DNAH3: variants seen among roughly 807,000 people sequenced by gnomAD.
The protein encoded by DNAH3 is dynein axonemal heavy chain 3, also known as axonemal beta dynein heavy chain 3.
Under a neutral mutation model 432.5 loss-of-function variants are expected in DNAH3, and 332 were observed. The ratio of observed to expected loss-of-function variants is 0.77; its 90% confidence interval spans 0.70 to 0.84. The LOEUF is 0.84. Among genes scored for constraint, DNAH3 ranks in the 40% least tolerant of loss-of-function variants. DNAH3 has a pLI of 0.00. For missense variants in DNAH3, 4,861 were observed against 5,114.0 expected (o/e 0.95, Z 1.51); for synonymous variants, 1,956 against 1,900.2 (o/e 1.03, Z -0.76).
intron 55 of DNAH3, among the ~76,000 whole-genome samples, chr16:20,954,176 T>C (rs1400008412): frequency 2.2e-5 from 3 of 137,956 alleles, no homozygotes; most frequent in Non-Finnish European, 1.5e-5. Flanking sequence ...TGAGCCAAGA[T>C]CACAACACCA....
chr16:21,038,671 T>A (rs528188054), intron 33 of DNAH3, among the ~76,000 whole-genome samples: 2 of 152,338 alleles, frequency 1.3e-5, no homozygotes, highest in Admixed American at 1.3e-4. Context: ...ACAGAACTGA[T>A]TTCCTTTAAA....
intron 26 of DNAH3, among the ~76,000 whole-genome samples, chr16:21,059,140 T>A (rs966203253): frequency 3.9e-5 from 6 of 152,378 alleles, no homozygotes; most frequent in African/African-American, 1.4e-4. Flanking sequence ...TAACATTATG[T>A]TGTATACCTT....
At chr16:21,022,831 G>GC (rs2088319733) in intron 39 of DNAH3, among the ~76,000 whole-genome samples, 1 of 150,266 alleles carries the variant, frequency 6.7e-6, no homozygotes, top group Non-Finnish European at 1.5e-5. Context: ...TACAACCTCC[G>GC]CCCCCACTGG....
chr16:21,153,380 C>G (rs758938574), intron 1 of DNAH3, among the ~76,000 whole-genome samples: 2 of 152,086 alleles, frequency 1.3e-5, no homozygotes, highest in African/African-American at 2.4e-5. Flanking sequence ...TGTGGACACT[C>G]TGTGTCTAGC....
At chr16:21,150,971 G>A (rs2092846668) in intron 1 of DNAH3, among the ~76,000 whole-genome samples, 125 bp from the exon 1 acceptor site, 1 of 152,198 alleles carries the variant, frequency 6.6e-6, no homozygotes, top group Non-Finnish European at 1.5e-5. Context: ...GTGGGCAGCA[G>A]GAAGTGTTGG....
intron 18 of DNAH3, among the ~76,000 whole-genome samples, chr16:21,091,449 G>A (rs1178459318): frequency 2.0e-5 from 3 of 151,996 alleles, no homozygotes; most frequent in Non-Finnish European, 4.4e-5. Flanking sequence ...ATTGCAGCAG[G>A]ATCACAGGAC....
chr16:21,050,655 G>C (rs1341634852), intron 29 of DNAH3, among the ~76,000 whole-genome samples: 1 of 152,158 alleles, frequency 6.6e-6, no homozygotes, highest in Non-Finnish European at 1.5e-5. Flanking sequence ...GCCCAAGCGG[G>C]TTGGTCTCAA....
At chr16:21,068,007 C>T (rs367809244) in intron 23 of DNAH3, among the ~76,000 whole-genome samples, 1 of 152,152 alleles carries the variant, frequency 6.6e-6, no homozygotes, top group African/African-American at 2.4e-5. Context: ...ACAACCTTAA[C>T]TAATAAAGAA....
intron 57 of DNAH3, among the ~76,000 whole-genome samples, chr16:20,945,543 T>G (rs1366276704): frequency 6.6e-6 from 1 of 151,542 alleles, no homozygotes; most frequent in Non-Finnish European, 1.5e-5. Context: ...CAGGCTGGAG[T>G]GCAGTGGTAC....
chr16:21,136,208 G>A, intron 6 of DNAH3, 116 bp downstream of exon 7: 1 of 1,001,464 alleles, frequency 1.0e-6, no homozygotes, highest in East Asian at 2.5e-5. Flanking sequence ...GAGCCCAGGA[G>A]TTCCAGACCA....
In DNAH3 at chr16:21,070,715, AT is replaced by A. The variant is rs781273237; in HGVS notation, c.3195del (p.Glu1065AspfsTer9). ...TCAACTTCATTTCCTCTTACCCGGC[AT>A]TCTGCTTCTATTGGTTTGATGAATG... On this transcript the variant is annotated frameshift_variant, in exon 22 of 62. Coordinates refer to ENST00000261383, the Ensembl canonical transcript of DNAH3. LOFTEE classifies it high-confidence loss of function. The A allele has an allele frequency of 1.1e-5, 18 of 1,600,484 alleles. No homozygotes were observed. Among genetic ancestry groups the A allele is most frequent in the African/African-American group, 2.7e-5 (2 of 74,538 alleles).
At chr16:21,141,176 G>A (rs1054196692) in intron 4 of DNAH3, 124 bp downstream of exon 5, 27 of 736,602 alleles carry the variant, frequency 3.7e-5, no homozygotes, top group Non-Finnish European at 4.6e-5. Flanking sequence ...AGTGATTCGT[G>A]GATAAGAATA....
chr16:20,988,829 G>C (rs759726195), intron 44 of DNAH3, among the ~76,000 whole-genome samples: 1 of 151,892 alleles, frequency 6.6e-6, no homozygotes, highest in Non-Finnish European at 1.5e-5. Flanking sequence ...GAATGTGTTC[G>C]GAGTTTTTTC....
intron 57 of DNAH3, among the ~76,000 whole-genome samples, chr16:20,945,698 G>T (rs2084015285): frequency 6.6e-6 from 1 of 152,114 alleles, no homozygotes; most frequent in Admixed American, 6.6e-5. Flanking sequence ...CACTGCGTTA[G>T]CCAGGATGGT....
At chr16:21,157,260 C>T (rs1223933044) in intron 1 of DNAH3, among the ~76,000 whole-genome samples, 6 of 151,904 alleles carry the variant, frequency 3.9e-5, no homozygotes, top group South Asian at 2.1e-4. Flanking sequence ...CTACTCTGTG[C>T]CTCAATAGGT....
intron 18 of DNAH3, among the ~76,000 whole-genome samples, chr16:21,087,546 G>GA (rs914761661): frequency 2.6e-5 from 4 of 151,968 alleles, no homozygotes; most frequent in Non-Finnish European, 5.9e-5. Flanking sequence ...AAAGAAAAAA[G>GA]AAAAAAATTG....
At chr16:20,999,959 G>T (rs1344949024) in intron 43 of DNAH3, among the ~76,000 whole-genome samples, 1 of 141,210 alleles carries the variant, frequency 7.1e-6, no homozygotes, top group East Asian at 2.4e-4. Context: ...AGAGAGGAAG[G>T]AAAGAAAGAA....
intron 1 of DNAH3, among the ~76,000 whole-genome samples, chr16:21,152,845 T>TCGGGA (rs2092870076): frequency 6.6e-6 from 1 of 152,254 alleles, no homozygotes; most frequent in South Asian, 2.1e-4. Context: ...GGGGCAGGGC[T>TCGGGA]CGGGACTTGC....
chr16:21,124,944 A>C (rs1049125783), intron 9 of DNAH3, among the ~76,000 whole-genome samples: 1 of 150,534 alleles, frequency 6.6e-6, no homozygotes, highest in African/African-American at 2.4e-5. Context: ...CCTGTAATGC[A>C]CCCGGCCACA....
Sources: allele counts gnomAD v4.1 joint callset (sites outside exome capture counted in the v4.1 genomes callset), GRCh38; gene constraint gnomAD v4.1.1; transcripts MANE v1.5; gene names NCBI Gene and HGNC (gene_info 2026-07-23, HGNC 2026-07-21).